Variants in SARNP observed in about 807,000 individuals in gnomAD.
SARNP encodes SAP domain-containing ribonucleoprotein.
SARNP carries 5 observed loss-of-function variants against 38.1 expected under a neutral mutation model. The ratio of observed to expected loss-of-function variants is 0.13; its 90% CI spans 0.07 to 0.28. The LOEUF is 0.28. Among genes scored for constraint, SARNP ranks in the 10% least tolerant of loss-of-function variants. SARNP has a pLI of 1.00. For synonymous variants in SARNP, 84 were observed against 80.6 expected (o/e 1.04, Z -0.23); for missense variants, 180 against 243.9 (o/e 0.74, Z 1.75).
At chr12:55,785,465 T>A (rs1169014140) in intron 9 of SARNP, among the ~76,000 whole-genome samples, 1 of 152,120 alleles carries the variant, frequency 6.6e-6, no homozygotes, top group Non-Finnish European at 1.5e-5. Context: ...TTAGGTAATT[T>A]CGAATACTGT....
chr12:55,811,517 C>T (rs931774925), intron 1 of SARNP, among the ~76,000 whole-genome samples: 12 of 152,060 alleles, frequency 7.9e-5, no homozygotes. Flanking sequence ...CTGCAGTGAC[C>T]CCTGATTGTG....
rs541826423 is a variant in SARNP, at chr12:55,769,385, A to AT, written c.502-8746dup. Reference sequence around the variant, plus strand: ...AACCTTAACTTCACGAGGCTTATGAATTCACCAAGTTACTATAAAGGTGTA... The same window carrying AT: ...AACCTTAACTTCACGAGGCTTATGAATTTCACCAAGTTACTATAAAGGTGTA... On this transcript the variant is annotated intron_variant, in intron 9 of 10. Coordinates refer to ENST00000336133, the MANE Select transcript of SARNP (RefSeq NM_033082.4). Among the ~76,000 whole-genome samples the AT allele has an allele frequency of 2.6e-4, 40 of 152,358 alleles. No homozygotes were observed. The East Asian group carries it at 4.0e-3, about 15-fold the overall frequency.
chr12:55,761,156 A>T (rs1592553464), intron 9 of SARNP, among the ~76,000 whole-genome samples: 2 of 152,036 alleles, frequency 1.3e-5, no homozygotes, highest in African/African-American at 4.8e-5. Context: ...AGCCTGGGTG[A>T]CAGAGTGAGA....
At chr12:55,787,369 A>G (rs1040766809) in intron 9 of SARNP, among the ~76,000 whole-genome samples, 1 of 152,168 alleles carries the variant, frequency 6.6e-6, no homozygotes, top group Admixed American at 6.5e-5. Context: ...ATATATAACC[A>G]ATGTCAGGTA....
chr12:55,794,420 A>G, intron 6 of SARNP, 33 bp from the exon 7 acceptor site: 3 of 1,597,498 alleles, frequency 1.9e-6, no homozygotes, highest in Non-Finnish European at 2.6e-6. Context: ...AATTTTAGGA[A>G]GCTGTTCACA....
intron 9 of SARNP, among the ~76,000 whole-genome samples, chr12:55,764,993 T>C (rs953335570): frequency 3.9e-5 from 6 of 152,136 alleles, no homozygotes; most frequent in Non-Finnish European, 8.8e-5. Context: ...ACCTCTAGAA[T>C]GTTCTAGTTG....
At chr12:55,759,501 C>T (rs1301950248) in intron 10 of SARNP, among the ~76,000 whole-genome samples, 1 of 151,450 alleles carries the variant, frequency 6.6e-6, no homozygotes, top group Non-Finnish European at 1.5e-5. Flanking sequence ...ACCTCTGCCT[C>T]CCGGTTTCAA....
At chr12:55,814,757 T>C (rs1451006146) in intron 1 of SARNP, among the ~76,000 whole-genome samples, 1 of 151,820 alleles carries the variant, frequency 6.6e-6, no homozygotes, top group African/African-American at 2.4e-5. Flanking sequence ...TAATCCCAGC[T>C]ACTCGGGAAG....
chr12:55,776,720 G>A (rs1879193635), intron 9 of SARNP, among the ~76,000 whole-genome samples: 1 of 151,942 alleles, frequency 6.6e-6, no homozygotes, highest in Admixed American at 6.6e-5. Context: ...GAAAGGCCAG[G>A]CCAACTATCT....
chr12:55,817,248 CTA>C (rs1880519068), intron 1 of SARNP, among the ~76,000 whole-genome samples: 1 of 152,044 alleles, frequency 6.6e-6, no homozygotes, highest in Admixed American at 6.6e-5. Flanking sequence ...CCACCATTTG[CTA>C]ACAGGGAAAT....
At chr12:55,798,270 G>A (rs1340023876) in intron 4 of SARNP, among the ~76,000 whole-genome samples, 1 of 152,182 alleles carries the variant, frequency 6.6e-6, no homozygotes, top group Non-Finnish European at 1.5e-5. Context: ...GCCAAGGCAG[G>A]TGGATCGCTT....
At position 55,800,571 on chromosome 12, in the gene SARNP, G is replaced by A. The variant is rs1879948658; in HGVS notation, c.242C>T (p.Thr81Ile). 1.9e-6 allele frequency: 3 copies of A among 1,608,738 alleles called. No homozygotes were observed. Among genetic ancestry groups the A allele is most frequent in the African/African-American group, 1.3e-5 (1 of 74,580 alleles). Residue 81 changes from threonine to isoleucine, a missense_variant, in exon 4 of 11, where the codon ACT (threonine) becomes ATT (isoleucine). Around this residue, in one of 2 missense-constraint regions of SARNP, gnomAD observed 161 missense variants for 194.1 expected, o/e 0.83. Coordinates refer to ENST00000336133, the MANE Select transcript of SARNP (RefSeq NM_033082.4). ...PVKEEEPPEKTVDVAAEKKVV... is the reference protein window; with the variant it reads ...PVKEEEPPEKIVDVAAEKKVV... ...AAAAAGGGATAATTACACATCAACA[G>A]TTTTTTCAGGGGGTTCTTCCTCTTT...
chr12:55,754,535 CCTTTT>C (rs1285575251), downstream of SARNP: 3 of 152,180 alleles, frequency 2.0e-5, no homozygotes, highest in African/African-American at 7.2e-5. Flanking sequence ...ACTCTTTCTG[CCTTTT>C]CTTTTTCTCA....
chr12:55,754,932 C>T (rs926309342), downstream of SARNP: 2 of 152,026 alleles, frequency 1.3e-5, no homozygotes, highest in Non-Finnish European at 2.9e-5. Context: ...GAGGTAGAAA[C>T]CTAAATACAG....
rs376802005 is a variant in SARNP, at chr12:55,783,649, T to C, written c.501+5426A>G. 2.2e-4 allele frequency among the ~76,000 whole-genome samples: 34 copies of C among 152,260 alleles called. No individual in the cohort carries two copies. In the East Asian group the frequency reaches 2.9e-3, roughly 13 times the overall value. On this transcript the variant is annotated intron_variant, in intron 9 of 10. Transcript: ENST00000336133. ...TTCTGTGTAGTGCCTGATATGTGTA[T>C]AGCATACTAGTGGAGCTAAAAACTG...
chr12:55,805,321 T>C (rs1019747191), intron 1 of SARNP, among the ~76,000 whole-genome samples: 2 of 152,168 alleles, frequency 1.3e-5, no homozygotes, highest in African/African-American at 4.8e-5. Flanking sequence ...ATTTAGTGAG[T>C]GGGGCGGGCA....
chr12:55,769,221 T>C (rs543232348), intron 9 of SARNP, among the ~76,000 whole-genome samples: 337 of 152,344 alleles, frequency 2.2e-3, no homozygotes, highest in Non-Finnish European at 4.2e-3. Flanking sequence ...CACTGAATTA[T>C]GTGACATCAG....
intron 5 of SARNP, among the ~76,000 whole-genome samples, chr12:55,795,646 T>G (rs1276774612): frequency 6.6e-6 from 1 of 152,164 alleles, no homozygotes; most frequent in Non-Finnish European, 1.5e-5. Flanking sequence ...GGAACCTGGT[T>G]TCACAGTCCT....
chr12:55,787,341 G>C (rs1355812398), intron 9 of SARNP, among the ~76,000 whole-genome samples: 1 of 151,838 alleles, frequency 6.6e-6, no homozygotes, highest in Non-Finnish European at 1.5e-5. Context: ...TTAGTGTTTA[G>C]TTTTTTTCCC....
Sources: gnomAD v4.1 joint callset for allele counts (sites outside exome capture counted in the v4.1 genomes callset) on GRCh38, gnomAD v4.1.1 for gene constraint, gnomAD v4.1.1 regional missense constraint, MANE v1.5 for transcripts, NCBI Gene and HGNC (gene_info 2026-07-23, HGNC 2026-07-21) for gene names.